CALCOCO2: variants seen among roughly 807,000 people sequenced by gnomAD.
CALCOCO2 encodes calcium binding and coiled-coil domain 2.
Under a neutral mutation model 62.5 loss-of-function variants are expected in CALCOCO2, and 42 were observed. That is an observed-to-expected ratio of 0.67 (90% CI 0.53 to 0.87). The LOEUF is 0.87. Among genes scored for constraint, CALCOCO2 ranks in the 40% least tolerant of loss-of-function variants. The pLI, the probability that CALCOCO2 is intolerant of heterozygous loss-of-function variation, is 0.00. For missense variants in CALCOCO2, 456 were observed against 515.0 expected (o/e 0.89, Z 1.11); for synonymous variants, 167 against 173.0 (o/e 0.97, Z 0.27).
chr17:48,856,450 G>A, intron 10 of CALCOCO2: 1 of 469,456 alleles, frequency 2.1e-6, no homozygotes, highest in South Asian at 1.7e-5. Context: ...ACTTATTTTT[G>A]CTTTTAACTT....
In CALCOCO2 at chr17:48,851,220, C is replaced by T. The variant is rs375318332; in HGVS notation, c.632+43C>T. The T allele has an allele frequency of 3.8e-6, 4 of 1,048,130 alleles. No individual in the cohort carries two copies. In the African/African-American group the frequency reaches 4.7e-5, roughly 12 times the overall value. 64.9% of individuals were successfully genotyped at this position (1,048,130 alleles called of 1,614,324 possible). A position where few individuals can be genotyped will look rare whatever the true frequency, so the allele number is the denominator to read the frequency against. Reference sequence around the variant, plus strand: ...TTCTGGGAGGGGAAGAGCTGCTGTACCATCAGTACCCTTAAGTACAGTCAG... The same window carrying T: ...TTCTGGGAGGGGAAGAGCTGCTGTATCATCAGTACCCTTAAGTACAGTCAG... On this transcript the variant is annotated intron_variant, in intron 6 of 12. Coordinates refer to ENST00000258947, the MANE Select transcript of CALCOCO2 (RefSeq NM_005831.5).
Position 48,863,025 on chromosome 17 carries a change from GT to G in CALCOCO2, c.*21del. 1.3e-6 allele frequency: 2 copies of G among 1,560,450 alleles called. No individual in the cohort carries two copies. The highest frequency in any genetic ancestry group is 3.3e-5 in the Admixed American group (2 of 59,938). On this transcript the variant is annotated 3_prime_UTR_variant, in exon 13 of 13. Transcript: ENST00000258947. Reference sequence around the variant, plus strand: ...CTCTGAGTATCCCAACCTCTTGGATGTATACAGAGATTTTATAGAATAGAAC... The same window carrying G: ...CTCTGAGTATCCCAACCTCTTGGATGATACAGAGATTTTATAGAATAGAAC...
At chr17:48,855,310 G>A in intron 9 of CALCOCO2, among the ~76,000 whole-genome samples, 1 of 152,146 alleles carries the variant, frequency 6.6e-6, no homozygotes, top group East Asian at 1.9e-4. Context: ...AGCCAACGGG[G>A]ATGGGAAGCA....
At chr17:48,846,785 A>G (rs2040059128) in intron 2 of CALCOCO2, among the ~76,000 whole-genome samples, 1 of 152,168 alleles carries the variant, frequency 6.6e-6, no homozygotes, top group Non-Finnish European at 1.5e-5. Flanking sequence ...ATATATAAAA[A>G]TGGAATTTAT....
intron 9 of CALCOCO2, 66 bp downstream of exon 9, chr17:48,853,078 G>A (rs1455975221): frequency 1.8e-6 from 2 of 1,094,092 alleles, no homozygotes; most frequent in Non-Finnish European, 1.4e-6. Flanking sequence ...AAGGATATGG[G>A]CCTATTTTCC....
At chr17:48,840,216 A>T (rs957111743) in intron 1 of CALCOCO2, among the ~76,000 whole-genome samples, 1 of 151,054 alleles carries the variant, frequency 6.6e-6, no homozygotes, top group African/African-American at 2.4e-5. Flanking sequence ...TGCAGCCTAG[A>T]CCTCCCAGGC....
At chr17:48,845,889 G>T (rs1297744943) in intron 2 of CALCOCO2, 8 of 426,700 alleles carry the variant, frequency 1.9e-5, no homozygotes. Flanking sequence ...CGTGAAGCAG[G>T]TTTGGCTCCC....
intron 1 of CALCOCO2, among the ~76,000 whole-genome samples, chr17:48,832,161 G>A (rs2039823169): frequency 6.6e-6 from 1 of 152,258 alleles, no homozygotes; most frequent in Admixed American, 6.5e-5. Context: ...GGGAGGCCCA[G>A]GCGGGCAGAA....
chr17:48,851,156 A>G lies in CALCOCO2; in HGVS notation c.611A>G (p.Tyr204Cys), dbSNP rs1392164688. Residue 204 changes from tyrosine (Y) to cysteine (C), a missense_variant, in exon 6 of 13, where the codon TAT becomes TGT. Coordinates refer to ENST00000258947, the MANE Select transcript of CALCOCO2 (RefSeq NM_005831.5). ...CTGAAAGTGAAAGAACAGAAGGACTATTGGGAGACAGAGCTGCTTCAGTGA... is the reference window on the plus strand; with the variant it reads ...CTGAAAGTGAAAGAACAGAAGGACTGTTGGGAGACAGAGCTGCTTCAGTGA... ...LELKVKEQKDYWETELLQLKE... is the reference protein window; with the variant it reads ...LELKVKEQKDCWETELLQLKE... 3.7e-6 allele frequency: 6 copies of G among 1,608,036 alleles called. No individual in the cohort carries two copies. Among genetic ancestry groups the G allele is most frequent in the Non-Finnish European group, 5.1e-6 (6 of 1,174,468 alleles).
At chr17:48,862,146 G>A (rs1440772780) in intron 11 of CALCOCO2, 130 bp from the exon 12 acceptor site, 5 of 749,444 alleles carry the variant, frequency 6.7e-6, no homozygotes, top group Non-Finnish European at 1.2e-5. Context: ...ATATATATGA[G>A]AGAGAAAGAA....
intron 1 of CALCOCO2, among the ~76,000 whole-genome samples, chr17:48,832,567 A>G (rs986027816): frequency 6.6e-6 from 1 of 152,190 alleles, no homozygotes; most frequent in Admixed American, 6.5e-5. Context: ...AGCCTTAGCC[A>G]TGCATTTTGC....
intron 9 of CALCOCO2, 134 bp from the exon 10 acceptor site, chr17:48,855,958 C>T (rs1567757933): frequency 2.3e-6 from 1 of 437,890 alleles, no homozygotes; most frequent in Non-Finnish European, 4.2e-6. Flanking sequence ...CCCATAGTAC[C>T]ATTTCTTCCT....
intron 11 of CALCOCO2, among the ~76,000 whole-genome samples, chr17:48,861,661 G>GTATATATATATATATATATATA (rs59973644): frequency 4.4e-5 from 6 of 135,156 alleles, no homozygotes; most frequent in African/African-American, 1.8e-4. Context: ...ATGTGTGTGT[G>GTATATATATATATATATATATA]TATATATATA....
intron 2 of CALCOCO2, among the ~76,000 whole-genome samples, chr17:48,844,458 G>T (rs930781281): frequency 6.6e-6 from 1 of 151,742 alleles, no homozygotes; most frequent in Non-Finnish European, 1.5e-5. Flanking sequence ...AATCTTGGGC[G>T]TTTTTCTTTT....
At chr17:48,850,023 G>A (rs1207228665) in intron 5 of CALCOCO2, among the ~76,000 whole-genome samples, 1 of 151,336 alleles carries the variant, frequency 6.6e-6, no homozygotes, top group Non-Finnish European at 1.5e-5. Context: ...CCAGGAGACC[G>A]GGCGTGGTGG....
chr17:48,851,643 A>C lies in CALCOCO2; in HGVS notation c.702+15A>C, dbSNP rs776033427. 2.7e-6 allele frequency: 4 copies of C among 1,475,650 alleles called. No individual in the cohort carries two copies. In the South Asian group the frequency reaches 4.5e-5, roughly 17 times the overall value. The allele number at this position is 1,475,650 out of a possible 1,614,324, so 91.4% of individuals were successfully genotyped here. The stretch of plus-strand genomic sequence containing the variant: ...ATCAGCTTCAGGTAGGTAATGCCAT[A>C]TGTTTGTCAAAGGATATTTTCTTAG... On this transcript the variant is annotated intron_variant, in intron 7 of 12. Transcript: ENST00000258947.
intron 1 of CALCOCO2, among the ~76,000 whole-genome samples, chr17:48,836,971 G>A (rs2039902182): frequency 6.6e-6 from 1 of 152,092 alleles, no homozygotes; most frequent in African/African-American, 2.4e-5. Flanking sequence ...ATGTTAGCCA[G>A]CCTGCTCTTG....
chr17:48,862,161 A>C, intron 11 of CALCOCO2, 115 bp from the exon 12 acceptor site: 1 of 774,374 alleles, frequency 1.3e-6, no homozygotes, highest in Admixed American at 1.8e-5. Context: ...AAAGAATCAG[A>C]GGCATTGAGG....
At chr17:48,838,510 C>G (rs2039928362) in intron 1 of CALCOCO2, among the ~76,000 whole-genome samples, 1 of 151,794 alleles carries the variant, frequency 6.6e-6, no homozygotes, top group Admixed American at 6.6e-5. Flanking sequence ...GTTAGGAGAT[C>G]GAGACCATCC....
Sources: gnomAD v4.1 joint callset for allele counts (sites outside exome capture counted in the v4.1 genomes callset) on GRCh38, gnomAD v4.1.1 for gene constraint, MANE v1.5 for transcripts, NCBI Gene and HGNC (gene_info 2026-07-23, HGNC 2026-07-21) for gene names.